NEGR1: variants seen among roughly 807,000 people sequenced by gnomAD.
NEGR1 encodes neuronal growth regulator 1, also known as IgLON family member 4.
In NEGR1, 10 loss-of-function variants were observed where a neutral mutation model predicts 40.9. That is an observed-to-expected ratio of 0.24 (90% CI 0.15 to 0.42). The LOEUF is 0.42. NEGR1 is among the 10% of genes least tolerant of loss of function. The probability of loss-of-function intolerance (pLI) is 1.00; values close to 1 mark genes in which losing one functional copy is unlikely to be tolerated. For synonymous variants in NEGR1, 185 were observed against 166.8 expected (o/e 1.11, Z -0.84); for missense variants, 352 against 438.9 (o/e 0.80, Z 1.77).
intron 3 of NEGR1, among the ~76,000 whole-genome samples, chr1:71,773,662 G>GT (rs1363208188): frequency 1.3e-5 from 2 of 151,928 alleles, no homozygotes; most frequent in African/African-American, 4.8e-5. Flanking sequence ...TGAAATTATT[G>GT]TAAGTGTTTA....
intron 3 of NEGR1, among the ~76,000 whole-genome samples, chr1:71,717,517 T>C (rs1370886444): frequency 5.9e-5 from 9 of 152,232 alleles, no homozygotes; most frequent in Admixed American, 5.9e-4. Flanking sequence ...TTCCTGATTG[T>C]CTGTACATTA....
At chr1:71,416,345 A>T (rs1431007203) in intron 6 of NEGR1, among the ~76,000 whole-genome samples, 3 of 152,170 alleles carry the variant, frequency 2.0e-5, no homozygotes, top group Non-Finnish European at 4.4e-5. Flanking sequence ...TAGGAAGGTT[A>T]CCTAAACTAG....
chr1:71,925,567 T>A (rs1478607223), intron 2 of NEGR1, among the ~76,000 whole-genome samples: 1 of 152,178 alleles, frequency 6.6e-6, no homozygotes, highest in Non-Finnish European at 1.5e-5. Flanking sequence ...CTACAGATCA[T>A]AGAGTAAACA....
intron 2 of NEGR1, among the ~76,000 whole-genome samples, chr1:71,821,794 C>A (rs1658438008): frequency 6.6e-6 from 1 of 151,984 alleles, no homozygotes; most frequent in African/African-American, 2.4e-5. Context: ...AGCACCTGAC[C>A]ATGCAGCTCC....
At chr1:71,868,471 A>AC (rs370312326) in intron 2 of NEGR1, among the ~76,000 whole-genome samples, 372 of 148,096 alleles carry the variant, frequency 2.5e-3, no homozygotes, top group Non-Finnish European at 4.0e-3. Flanking sequence ...AGATAGACAG[A>AC]ATACATACAT....
chr1:71,398,814 G>A lies in NEGR1; in HGVS notation c.*8632C>T, dbSNP rs1646228259. Reference sequence around the variant, plus strand: ...TCCCACGGATTGTGGGAGGGACTTGGTGGGAGGTAATTGAATCATGGGAGC... The same window carrying A: ...TCCCACGGATTGTGGGAGGGACTTGATGGGAGGTAATTGAATCATGGGAGC... On this transcript the variant is annotated 3_prime_UTR_variant, in exon 7 of 7. Transcript: ENST00000357731. 1 of 152,292 alleles carries A rather than the reference G, an allele frequency of 6.6e-6. No individual in the cohort carries two copies. The highest frequency in any genetic ancestry group is 2.4e-5 in the African/African-American group (1 of 41,560). 9.4% of individuals were successfully genotyped at this position (152,292 alleles called of 1,614,324 possible).
intron 1 of NEGR1, among the ~76,000 whole-genome samples, chr1:72,131,694 A>C (rs747835995): frequency 9.9e-5 from 15 of 152,236 alleles, no homozygotes; most frequent in Non-Finnish European, 2.1e-4. Flanking sequence ...TTATAATGTT[A>C]AATGTAAATT....
intron 1 of NEGR1, among the ~76,000 whole-genome samples, chr1:72,164,016 A>ATT (rs56300595): frequency 5.4e-5 from 8 of 148,342 alleles, no homozygotes; most frequent in African/African-American, 2.0e-4. Flanking sequence ...TCAGACAAGT[A>ATT]TTTTTTTTTT....
At chr1:71,968,759 T>G (rs1646231967) in intron 1 of NEGR1, among the ~76,000 whole-genome samples, 1 of 152,188 alleles carries the variant, frequency 6.6e-6, no homozygotes, top group Non-Finnish European at 1.5e-5. Flanking sequence ...TGTGTAAAAT[T>G]GTACACTAAA....
intron 4 of NEGR1, among the ~76,000 whole-genome samples, chr1:71,669,579 A>G (rs1410270316): frequency 6.6e-6 from 1 of 152,242 alleles, no homozygotes. Context: ...TTTCACCTAC[A>G]ATGCTAGGGC....
At position 71,403,724 on chromosome 1, in the gene NEGR1, T is replaced by G. The variant is rs570627899; in HGVS notation, c.*3722A>C. The G allele has an allele frequency of 2.9e-6, 1 of 348,478 alleles. No individual in the cohort carries two copies. The highest frequency in any genetic ancestry group is 5.2e-6 in the Non-Finnish European group (1 of 191,162). 21.6% of individuals were successfully genotyped at this position (348,478 alleles called of 1,614,324 possible). A position where few individuals can be genotyped will look rare whatever the true frequency, so the allele number is the denominator to read the frequency against. ...TAAGCTAATAGAGTTTTAAAATGAG[T>G]CAAATACATATTTTAATTGATAAAC... On this transcript the variant is annotated 3_prime_UTR_variant, in exon 7 of 7. Transcript: ENST00000357731.
intron 1 of NEGR1, among the ~76,000 whole-genome samples, chr1:72,256,577 CTTAAT>C (rs1655277146): frequency 1.3e-5 from 2 of 152,092 alleles, no homozygotes; most frequent in South Asian, 2.1e-4. Flanking sequence ...ATATATCAAA[CTTAAT>C]TTGTTTCCTA....
chr1:72,072,364 G>A (rs1470259554), intron 1 of NEGR1, among the ~76,000 whole-genome samples: 1 of 152,028 alleles, frequency 6.6e-6, no homozygotes, highest in Non-Finnish European at 1.5e-5. Flanking sequence ...AGAAACATAG[G>A]TGATTAAATA....
At chr1:72,048,252 GT>G (rs769582351) in intron 1 of NEGR1, among the ~76,000 whole-genome samples, 3 of 151,476 alleles carry the variant, frequency 2.0e-5, no homozygotes, top group Non-Finnish European at 4.4e-5. Flanking sequence ...CTCTTTCTTC[GT>G]TAAACTAACA....
intron 3 of NEGR1, among the ~76,000 whole-genome samples, chr1:71,762,267 A>G (rs1357091241): frequency 6.9e-6 from 1 of 144,542 alleles, no homozygotes; most frequent in Non-Finnish European, 1.5e-5. Flanking sequence ...CAAAAATGAG[A>G]GGCAACAAAC....
chr1:71,817,439 G>T (rs150679954), intron 2 of NEGR1, among the ~76,000 whole-genome samples: 1 of 152,136 alleles, frequency 6.6e-6, no homozygotes, highest in Non-Finnish European at 1.5e-5. Flanking sequence ...TCTCTTATCA[G>T]TCTTATTTCC....
chr1:72,248,049 G>A (rs1654958070), intron 1 of NEGR1, among the ~76,000 whole-genome samples: 3 of 152,092 alleles, frequency 2.0e-5, no homozygotes, highest in African/African-American at 7.2e-5. Context: ...ACTAGCTTTT[G>A]TGAGAAGTTG....
rs756531442 is a variant in NEGR1 at position 71,751,084 on chromosome 1, G to GT, written c.535+25087dup. Among the ~76,000 whole-genome samples, 590 of 145,152 alleles carry GT rather than the reference G, an allele frequency of 4.1e-3. 4 individuals carry two copies. Among genetic ancestry groups the GT allele is most frequent in the African/African-American group, 0.01 (400 of 39,708 alleles). ...GTATGAATCTATCATTCTTTGTTTTGTTTTTTTTTTGTTCTTTCTTTAGCC... is the reference window on the plus strand; with the variant it reads ...GTATGAATCTATCATTCTTTGTTTTGTTTTTTTTTTTGTTCTTTCTTTAGCC... On this transcript the variant is annotated intron_variant, in intron 3 of 6. Transcript: ENST00000357731.
At chr1:71,680,905 T>G (rs1652817555) in intron 4 of NEGR1, among the ~76,000 whole-genome samples, 1 of 152,224 alleles carries the variant, frequency 6.6e-6, no homozygotes, top group Non-Finnish European at 1.5e-5. Flanking sequence ...TGTCATAATA[T>G]ATGTCAGTAT....
Sources: gnomAD v4.1 joint callset for allele counts (sites outside exome capture counted in the v4.1 genomes callset) on GRCh38, gnomAD v4.1.1 for gene constraint, MANE v1.5 for transcripts, NCBI Gene and HGNC (gene_info 2026-07-23, HGNC 2026-07-21) for gene names.